Variants in PRPSAP2 observed in about 807,000 individuals in gnomAD.
PRPSAP2 encodes the protein phosphoribosyl pyrophosphate synthase-associated protein 2.
A neutral mutation model predicts 40.6 loss-of-function variants in PRPSAP2; 24 were observed. The observed-to-expected ratio is 0.59, with a 90% CI of 0.43 to 0.83. PRPSAP2 has a LOEUF of 0.83. PRPSAP2 is among the 40% of genes least tolerant of loss of function. The pLI, the probability that PRPSAP2 is intolerant of heterozygous loss-of-function variation, is 0.00. For missense variants in PRPSAP2, 292 were observed against 465.6 expected (o/e 0.63, Z 3.43); for synonymous variants, 149 against 164.7 (o/e 0.90, Z 0.73).
chr17:18,927,274 C>T (rs1359091486), intron 10 of PRPSAP2, among the ~76,000 whole-genome samples: 1 of 152,194 alleles, frequency 6.6e-6, no homozygotes, highest in African/African-American at 2.4e-5. Flanking sequence ...CACTGTTGCA[C>T]TGGGGAATAA....
At position 18,919,053 on chromosome 17, in the gene PRPSAP2, T is replaced by C. The variant is rs1428730042; in HGVS notation, c.734-4861T>C. On this transcript the variant is annotated intron_variant, in intron 9 of 11. Transcript: ENST00000268835. ...ATGGGAATGAAAGTGACAGAGCACA[T>C]TGAGAAATGTTAAAAAGACGATGGG... 3.3e-5 allele frequency among the ~76,000 whole-genome samples: 5 copies of C among 152,104 alleles called. 1 individual carries two copies. The highest frequency in any genetic ancestry group is 4.1e-4 in the South Asian group (2 of 4,826).
At chr17:18,875,232 A>G (rs1422962203) in intron 5 of PRPSAP2, among the ~76,000 whole-genome samples, 1 of 151,992 alleles carries the variant, frequency 6.6e-6, no homozygotes, top group Non-Finnish European at 1.5e-5. Flanking sequence ...CAGAGTCTGG[A>G]CGTCATGGTC....
At chr17:18,909,328 G>C (rs1158605822) in intron 8 of PRPSAP2, among the ~76,000 whole-genome samples, 1 of 144,770 alleles carries the variant, frequency 6.9e-6, no homozygotes, top group Non-Finnish European at 1.5e-5. Context: ...TGCGAGCTCC[G>C]CCTTCCAGGT....
chr17:18,883,690 C>T (rs2038931740), intron 7 of PRPSAP2, among the ~76,000 whole-genome samples: 1 of 151,824 alleles, frequency 6.6e-6, no homozygotes, highest in African/African-American at 2.4e-5. Flanking sequence ...CTGGCCTTAG[C>T]GGTTTTTCTT....
intron 8 of PRPSAP2, among the ~76,000 whole-genome samples, chr17:18,907,076 G>A (rs1041487258): frequency 5.9e-5 from 9 of 151,814 alleles, no homozygotes; most frequent in African/African-American, 2.2e-4. Context: ...TTAATTTTTT[G>A]TTTGTTTTTA....
intron 8 of PRPSAP2, among the ~76,000 whole-genome samples, chr17:18,906,095 T>G (rs2040567071): frequency 6.6e-6 from 1 of 152,252 alleles, no homozygotes; most frequent in Admixed American, 6.5e-5. Context: ...GTTTTTGACC[T>G]GAACAGTCTT....
At chr17:18,920,536 A>G (rs750524403) in intron 9 of PRPSAP2, among the ~76,000 whole-genome samples, 10 of 152,188 alleles carry the variant, frequency 6.6e-5, no homozygotes, top group African/African-American at 9.7e-5. Context: ...TTGTTTTTAT[A>G]CATTTGATGA....
chr17:18,907,152 C>T (rs375956659), intron 8 of PRPSAP2, among the ~76,000 whole-genome samples: 26 of 152,018 alleles, frequency 1.7e-4, no homozygotes, highest in African/African-American at 5.1e-4. Flanking sequence ...GCCAAGACTG[C>T]GAGAACTTGT....
At chr17:18,896,058 AC>A (rs1200413257) in intron 8 of PRPSAP2, among the ~76,000 whole-genome samples, 1 of 152,226 alleles carries the variant, frequency 6.6e-6, no homozygotes, top group African/African-American at 2.4e-5. Flanking sequence ...AGTGTGAGCC[AC>A]CATGCCCGGC....
chr17:18,901,709 C>G (rs2040281010), intron 8 of PRPSAP2, among the ~76,000 whole-genome samples: 1 of 151,936 alleles, frequency 6.6e-6, no homozygotes, highest in Non-Finnish European at 1.5e-5. Context: ...ATGTAACATC[C>G]AGGGGTTTTA....
intron 9 of PRPSAP2, among the ~76,000 whole-genome samples, chr17:18,920,655 G>T (rs919628908): frequency 2.0e-5 from 3 of 152,118 alleles, no homozygotes; most frequent in African/African-American, 7.2e-5. Flanking sequence ...TTGTTATTTA[G>T]TATTAGATTT....
At position 18,911,022 on chromosome 17, in the gene PRPSAP2, C is replaced by T; in HGVS notation, c.585-81C>T. On this transcript the variant is annotated intron_variant, in intron 8 of 11. Coordinates refer to ENST00000268835, the MANE Select transcript of PRPSAP2 (RefSeq NM_002767.4). This position sits in a 1 kb window ranked among gnomAD's most constrained non-coding sequence, Gnocchi z 4.5. ...TGGGAGACAACATTCTACTTATGTT[C>T]TCTTAATGTTTTGTCCCCTAGGCAT... The T allele has an allele frequency of 4.9e-6, 7 of 1,414,954 alleles. No homozygotes were observed. Among genetic ancestry groups the T allele is most frequent in the Non-Finnish European group, 6.6e-6 (7 of 1,060,294 alleles). The allele number at this position is 1,414,954 out of a possible 1,614,324, so 87.6% of individuals were successfully genotyped here. A position where few individuals can be genotyped will look rare whatever the true frequency, so the allele number is the denominator to read the frequency against.
intron 8 of PRPSAP2, among the ~76,000 whole-genome samples, chr17:18,910,256 C>A (rs1274612661): frequency 6.6e-6 from 1 of 152,110 alleles, no homozygotes; most frequent in Non-Finnish European, 1.5e-5. Flanking sequence ...CCCATCTGTA[C>A]TAAAAATACA....
intron 8 of PRPSAP2, among the ~76,000 whole-genome samples, chr17:18,893,545 A>G (rs1432043381): frequency 6.6e-6 from 1 of 151,864 alleles, no homozygotes; most frequent in African/African-American, 2.4e-5. Flanking sequence ...ACTTGAGCCC[A>G]GGAATTTGAG....
Position 18,865,841 on chromosome 17 carries a change from G to T in PRPSAP2, c.8G>T (p.Cys3Phe). 1.3e-6 allele frequency: 2 copies of T among 1,504,778 alleles called. No individual in the cohort carries two copies. The highest frequency in any genetic ancestry group is 1.9e-5 in the Admixed American group (1 of 53,332). The allele number at this position is 1,504,778 out of a possible 1,614,324, so 93.2% of individuals were successfully genotyped here. A position where few individuals can be genotyped will look rare whatever the true frequency, so the allele number is the denominator to read the frequency against. ...AAAACCAAGAAGGTTTTGATGTTTT[G>T]TGTGACGCCACCTGAATTAGAAACC... MF[C>F]VTPPELETKM... Residue 3 changes from cysteine to phenylalanine, a missense_variant, in exon 3 of 12, where the codon TGT (cysteine) becomes TTT (phenylalanine). By Grantham distance (205) the Cys-to-Phe change is radical (BLOSUM62 -2). This residue lies in a region of PRPSAP2 where 51 missense variants were observed against 40.0 expected (regional missense o/e 1.28). Coordinates refer to ENST00000268835, the MANE Select transcript of PRPSAP2 (RefSeq NM_002767.4).
At chr17:18,905,314 C>T (rs1345083099) in intron 8 of PRPSAP2, among the ~76,000 whole-genome samples, 1 of 152,152 alleles carries the variant, frequency 6.6e-6, no homozygotes. Flanking sequence ...GTGTGAGCCA[C>T]CGCACCCGGC....
At chr17:18,906,582 T>C (rs2040602441) in intron 8 of PRPSAP2, among the ~76,000 whole-genome samples, 1 of 152,078 alleles carries the variant, frequency 6.6e-6, no homozygotes, top group Non-Finnish European at 1.5e-5. Flanking sequence ...CTCAAACCCC[T>C]GGGCTCAAGC....
chr17:18,921,079 C>T (rs1352669312), intron 9 of PRPSAP2, among the ~76,000 whole-genome samples: 1 of 152,120 alleles, frequency 6.6e-6, no homozygotes, highest in South Asian at 2.1e-4. Flanking sequence ...CAACCTTGAC[C>T]TCCCAGGCTC....
intron 7 of PRPSAP2, among the ~76,000 whole-genome samples, chr17:18,884,365 G>A (rs560958474): frequency 6.6e-6 from 1 of 150,686 alleles, no homozygotes; most frequent in East Asian, 1.9e-4. Flanking sequence ...TTGAGACAGG[G>A]TCTTTCTCTG....
Sources: allele counts gnomAD v4.1 joint callset (sites outside exome capture counted in the v4.1 genomes callset), GRCh38; gene constraint gnomAD v4.1.1; regional missense constraint gnomAD v4.1.1; non-coding constraint Gnocchi (gnomAD v3.1); transcripts MANE v1.5; gene names NCBI Gene and HGNC (gene_info 2026-07-23, HGNC 2026-07-21).